MTARC2: variants seen among roughly 807,000 people sequenced by gnomAD.
MTARC2 encodes the protein MOCO sulphurase C-terminal domain containing 2.
MTARC2 carries 27 observed loss-of-function variants against 35.6 expected under a neutral mutation model. That is an observed-to-expected ratio of 0.76 (90% confidence interval 0.56 to 1.04). MTARC2 has a LOEUF of 1.04. Ranked by LOEUF, MTARC2 falls within the 50% of genes least tolerant of loss-of-function variation. The probability of loss-of-function intolerance (pLI) is 0.00; values close to 1 mark genes in which losing one functional copy is unlikely to be tolerated. For missense variants in MTARC2, 412 were observed against 432.5 expected, an observed-to-expected ratio of 0.95 and a Z score of 0.42; for synonymous variants, 158 against 167.1, an observed-to-expected ratio of 0.95 and a Z score of 0.42.
Position 220,781,882 on chromosome 1 carries a change from C to T in MTARC2, c.989C>T (p.Pro330Leu), listed in dbSNP as rs1305283977. ...ATTGGAAGCCTGAGAGTTGGTGACC[C>T]TGTGTATCGGATGGTGTAGTGATGA... ...EKIGSLRVGD[P>L]VYRMV Residue 330 changes from proline (P) to leucine (L), a missense_variant, in exon 7 of 8, where the codon CCT (proline) becomes CTT (leucine). Transcript: ENST00000366913. The T allele has an allele frequency of 1.2e-6, 2 of 1,614,154 alleles. No homozygotes were observed. The highest frequency in any genetic ancestry group is 4.5e-5 in the East Asian group (2 of 44,878).
chr1:220,754,858 G>A, intron 1 of MTARC2, 89 bp from the exon 2 acceptor site: 1 of 1,214,218 alleles, frequency 8.2e-7, no homozygotes, highest in Non-Finnish European at 1.2e-6. Context: ...GGGGTGGGTG[G>A]AGAGTTCTGA....
At chr1:220,758,304 A>G (rs1671338469) in intron 2 of MTARC2, among the ~76,000 whole-genome samples, 1 of 150,736 alleles carries the variant, frequency 6.6e-6, no homozygotes, top group Non-Finnish European at 1.5e-5. Context: ...TTAAACTTTC[A>G]CTGTTAGTGT....
rs756220352 is a variant in MTARC2 at position 220,762,940 on chromosome 1, A to T, written c.640A>T (p.Ile214Phe). 2.5e-6 allele frequency: 4 copies of T among 1,614,198 alleles called. No homozygotes were observed. Among genetic ancestry groups the T allele is most frequent in the Non-Finnish European group, 3.4e-6 (4 of 1,180,032 alleles). The change falls in exon 4 of 8, where the codon ATC becomes TTC. Residue 214 changes from isoleucine (I) to phenylalanine (F), a missense_variant. Transcript: ENST00000366913. ...CTACCCAGACTACTGCCCGCTCCTG[A>T]TCATGACAGATGCCTCCCTGGTAGA... ...VAYPDYCPLL[I>F]MTDASLVDLN... is the part of the protein sequence containing the mutation.
intron 4 of MTARC2, among the ~76,000 whole-genome samples, chr1:220,777,303 T>A (rs1161987806): frequency 6.6e-6 from 1 of 152,138 alleles, no homozygotes; most frequent in Non-Finnish European, 1.5e-5. Flanking sequence ...CCCGGTTAGG[T>A]ACTGGAGAAT....
chr1:220,775,653 A>G (rs1371254352), intron 4 of MTARC2, among the ~76,000 whole-genome samples: 2 of 151,958 alleles, frequency 1.3e-5, no homozygotes, highest in Non-Finnish European at 2.9e-5. Context: ...AGTACCCTAT[A>G]GTGTTTCAAT....
At chr1:220,757,191 C>A (rs932568226) in intron 2 of MTARC2, among the ~76,000 whole-genome samples, 5 of 152,242 alleles carry the variant, frequency 3.3e-5, no homozygotes, top group Non-Finnish European at 7.3e-5. Context: ...CATGAGCCAC[C>A]GTGCTCAGCC....
At chr1:220,769,934 C>CAAAAAA (rs57739324) in intron 4 of MTARC2, among the ~76,000 whole-genome samples, 2,430 of 63,326 alleles carry the variant, frequency 0.038, 126 homozygotes, top group East Asian at 0.14. Context: ...ACTAAAAATA[C>CAAAAAA]AAAAAAAAAA....
chr1:220,782,397 G>GA (rs975160239), intron 7 of MTARC2, among the ~76,000 whole-genome samples: 3 of 151,712 alleles, frequency 2.0e-5, no homozygotes, highest in Non-Finnish European at 4.4e-5. Context: ...ATTGAAGTTT[G>GA]AAAAAAAATC....
intron 2 of MTARC2, among the ~76,000 whole-genome samples, chr1:220,758,638 C>G (rs894112279): frequency 6.6e-6 from 1 of 152,100 alleles, no homozygotes; most frequent in Non-Finnish European, 1.5e-5. Flanking sequence ...AGGTTGTTCT[C>G]GAACTCCTGA....
chr1:220,762,278 G>C (rs1456958259), intron 3 of MTARC2, among the ~76,000 whole-genome samples: 1 of 152,190 alleles, frequency 6.6e-6, no homozygotes, highest in Non-Finnish European at 1.5e-5. Flanking sequence ...TGTCCCCTGA[G>C]CACCTACAGC....
chr1:220,761,984 A>T (rs1671451007), intron 3 of MTARC2, among the ~76,000 whole-genome samples, 164 bp downstream of exon 3: 1 of 152,090 alleles, frequency 6.6e-6, no homozygotes. Flanking sequence ...GTACCAGGGG[A>T]TGGAAAAGAA....
chr1:220,769,168 G>A (rs888500575), intron 4 of MTARC2, among the ~76,000 whole-genome samples: 3 of 152,244 alleles, frequency 2.0e-5, no homozygotes, highest in African/African-American at 7.2e-5. Context: ...TAGGGGTTGG[G>A]CAAGAGGGAG....
At chr1:220,751,642 A>G (rs557721755) in intron 1 of MTARC2, among the ~76,000 whole-genome samples, 2 of 152,220 alleles carry the variant, frequency 1.3e-5, no homozygotes, top group Admixed American at 1.3e-4. Context: ...TAATTGAGAA[A>G]TGATATTTTT....
chr1:220,771,966 T>C (rs1331199077), intron 4 of MTARC2, among the ~76,000 whole-genome samples: 6 of 152,220 alleles, frequency 3.9e-5, no homozygotes, highest in Non-Finnish European at 7.3e-5. Flanking sequence ...TAGCCTGTGA[T>C]AACATTTTGT....
intron 2 of MTARC2, among the ~76,000 whole-genome samples, chr1:220,757,705 T>A (rs1572295515): frequency 6.6e-6 from 1 of 152,104 alleles, no homozygotes. Context: ...AGGGTGCCAA[T>A]CCCAGCATGA....
rs1274154426 is a variant in MTARC2 at position 220,780,189 on chromosome 1, C to T, written c.834C>T (p.Asp278=). ...ACAGGTGTATTTTGACAACGGTGGA[C>T]CCAGACACTGGAGTCATAGACAGGA... ...ACPRCILTTV[D]PDTGVIDRKQ... is the part of the protein sequence containing the mutation. Residue 278 remains aspartate (D), a synonymous_variant, in exon 6 of 8, where the codon GAC becomes GAT. Transcript: ENST00000366913. 1 of 1,612,788 alleles carries T rather than the reference C, an allele frequency of 6.2e-7. No homozygotes were observed. Among genetic ancestry groups the T allele is most frequent in the Non-Finnish European group, 8.5e-7 (1 of 1,179,612 alleles).
Position 220,762,578 on chromosome 1 carries a change from A to G in MTARC2, c.610-332A>G, listed in dbSNP as rs181436720. ...GTGTTGTTGAGGAAATTATTACTGG[A>G]GTATAGCTGATTGGCAGCAGGTCCT... On this transcript the variant is annotated intron_variant, in intron 3 of 7. Coordinates refer to ENST00000366913, the MANE Select transcript of MTARC2 (RefSeq NM_017898.5). Among the ~76,000 whole-genome samples the G allele has an allele frequency of 1.6e-4, 24 of 152,204 alleles. No individual in the cohort carries two copies. In the East Asian group the frequency reaches 4.6e-3, roughly 29 times the overall value.
intron 4 of MTARC2, among the ~76,000 whole-genome samples, chr1:220,773,612 G>T (rs1671805476): frequency 6.6e-6 from 1 of 152,100 alleles, no homozygotes; most frequent in Admixed American, 6.5e-5. Context: ...TTACCTAAGG[G>T]ATCTCTACTT....
intron 4 of MTARC2, among the ~76,000 whole-genome samples, chr1:220,774,332 T>C (rs1214257800): frequency 2.6e-5 from 4 of 152,164 alleles, no homozygotes; most frequent in African/African-American, 9.7e-5. Flanking sequence ...ATATGTCCCA[T>C]GTATATTTAG....
Sources: allele counts gnomAD v4.1 joint callset (sites outside exome capture counted in the v4.1 genomes callset), GRCh38; gene constraint gnomAD v4.1.1; transcripts MANE v1.5; gene names NCBI Gene and HGNC (gene_info 2026-07-23, HGNC 2026-07-21).